KIAA0825: variants seen among roughly 807,000 people sequenced by gnomAD.
The protein encoded by KIAA0825 is uncharacterized protein KIAA0825.
In KIAA0825, 119 loss-of-function variants were observed where a neutral mutation model predicts 147.6. The ratio of observed to expected loss-of-function variants is 0.81; its 90% CI spans 0.69 to 0.94. KIAA0825 has a LOEUF of 0.94. KIAA0825 is among the 40% of genes least tolerant of loss of function. The pLI, the probability that KIAA0825 is intolerant of heterozygous loss-of-function variation, is 0.00. For synonymous variants in KIAA0825, 470 were observed against 518.1 expected (o/e 0.91, Z 1.26); for missense variants, 1,381 against 1,472.7 (o/e 0.94, Z 1.02).
At chr5:94,509,029 C>T (rs1766124675) in intron 5 of KIAA0825, among the ~76,000 whole-genome samples, 1 of 152,212 alleles carries the variant, frequency 6.6e-6, no homozygotes, top group African/African-American at 2.4e-5. Flanking sequence ...TGTGACATAG[C>T]TCTGTCTTAT....
chr5:94,264,447 G>A (rs1776649849), intron 20 of KIAA0825, among the ~76,000 whole-genome samples: 1 of 152,188 alleles, frequency 6.6e-6, no homozygotes, highest in Non-Finnish European at 1.5e-5. Flanking sequence ...CTGCATCGAA[G>A]TTAACTTTGT....
At chr5:94,611,515 G>A (rs922245398) in intron 1 of KIAA0825, among the ~76,000 whole-genome samples, 1 of 151,826 alleles carries the variant, frequency 6.6e-6, no homozygotes, top group African/African-American at 2.4e-5. Flanking sequence ...TGACAAAAAG[G>A]TGGTGGGGGC....
At chr5:94,180,618 T>C (rs1184460237) in intron 20 of KIAA0825, among the ~76,000 whole-genome samples, 3 of 152,136 alleles carry the variant, frequency 2.0e-5, no homozygotes, top group Non-Finnish European at 4.4e-5. Flanking sequence ...AAAAATGCTA[T>C]AGATATGAAA....
intron 20 of KIAA0825, among the ~76,000 whole-genome samples, chr5:94,290,291 C>G (rs1050376571): frequency 6.6e-6 from 1 of 152,132 alleles, no homozygotes; most frequent in Admixed American, 6.5e-5. Flanking sequence ...CCTAGCCCCC[C>G]ACCACCCAAC....
At chr5:94,454,492 C>CT (rs1182256715) in intron 12 of KIAA0825, among the ~76,000 whole-genome samples, 1 of 152,058 alleles carries the variant, frequency 6.6e-6, no homozygotes, top group Admixed American at 6.6e-5. Context: ...CTTTAAAAGG[C>CT]TTTTTTTCTC....
intron 18 of KIAA0825, among the ~76,000 whole-genome samples, chr5:94,388,962 T>A (rs1464309673): frequency 6.6e-6 from 1 of 152,244 alleles, no homozygotes; most frequent in Non-Finnish European, 1.5e-5. Flanking sequence ...CAAATCTATA[T>A]GCATGTCTGC....
At chr5:94,522,108 C>A (rs1388772570) in intron 4 of KIAA0825, among the ~76,000 whole-genome samples, 1 of 151,662 alleles carries the variant, frequency 6.6e-6, no homozygotes, top group Non-Finnish European at 1.5e-5. Context: ...AACTCTTTGG[C>A]ATATGTATTT....
chr5:94,193,075 A>C (rs1354158419), intron 20 of KIAA0825, among the ~76,000 whole-genome samples: 1 of 152,180 alleles, frequency 6.6e-6, no homozygotes, highest in Non-Finnish European at 1.5e-5. Context: ...AGAGGTTCAC[A>C]TACAGTTATC....
In KIAA0825 at chr5:94,526,295, A is replaced by G. The variant is rs138218923; in HGVS notation, c.132-2197T>C. ...TTATAAACATAGGTAGTAAAAGTGT[A>G]AGGAAATGCACTGGAATGATCAGCA... On this transcript the variant is annotated intron_variant, in intron 3 of 20. Coordinates refer to ENST00000682413, the MANE Select transcript of KIAA0825 (RefSeq NM_001145678.3). 1.7e-4 allele frequency among the ~76,000 whole-genome samples: 26 copies of G among 152,108 alleles called. No homozygotes were observed. The East Asian group carries it at 4.2e-3, about 25-fold the overall frequency.
At chr5:94,339,643 C>T (rs901901937) in intron 20 of KIAA0825, among the ~76,000 whole-genome samples, 10 of 152,184 alleles carry the variant, frequency 6.6e-5, no homozygotes, top group Non-Finnish European at 1.2e-4. Flanking sequence ...TGAGAAAGCA[C>T]AGTTTCCAAT....
intron 1 of KIAA0825, among the ~76,000 whole-genome samples, chr5:94,613,051 T>G (rs1192141418): frequency 6.6e-6 from 1 of 152,152 alleles, no homozygotes; most frequent in Non-Finnish European, 1.5e-5. Flanking sequence ...CAACCCCAGG[T>G]CCTCTCTGAA....
chr5:94,544,900 C>CAGGT (rs1290086643), intron 2 of KIAA0825, among the ~76,000 whole-genome samples: 2 of 152,110 alleles, frequency 1.3e-5, no homozygotes, highest in Non-Finnish European at 2.9e-5. Context: ...AGCCAAAAAT[C>CAGGT]AGGTAAAGTT....
chr5:94,236,914 A>C (rs1447081311), intron 20 of KIAA0825, among the ~76,000 whole-genome samples: 2 of 152,204 alleles, frequency 1.3e-5, no homozygotes, highest in African/African-American at 2.4e-5. Flanking sequence ...AGACTACAGT[A>C]TAGTGTAAAC....
At chr5:94,439,811 A>G (rs1382169472) in intron 14 of KIAA0825, among the ~76,000 whole-genome samples, 171 bp downstream of exon 14, 1 of 152,202 alleles carries the variant, frequency 6.6e-6, no homozygotes, top group Non-Finnish European at 1.5e-5. Flanking sequence ...AATTTTTTCA[A>G]ATAGGTTGGT....
chr5:94,260,027 T>C (rs1178428301), intron 20 of KIAA0825, among the ~76,000 whole-genome samples: 1 of 152,078 alleles, frequency 6.6e-6, no homozygotes, highest in Non-Finnish European at 1.5e-5. Context: ...TCCATAGATA[T>C]AAAACTCAAA....
intron 18 of KIAA0825, among the ~76,000 whole-genome samples, chr5:94,387,673 C>A (rs372612537): frequency 6.7e-6 from 1 of 150,298 alleles, no homozygotes; most frequent in South Asian, 2.1e-4. Context: ...CCAGCCTGGG[C>A]GACAGAGAGA....
intron 14 of KIAA0825, among the ~76,000 whole-genome samples, chr5:94,435,383 G>T (rs1367611725): frequency 6.7e-6 from 1 of 148,948 alleles, no homozygotes; most frequent in African/African-American, 2.5e-5. Context: ...AGAACATGTG[G>T]TATTTGGCTT....
At chr5:94,360,625 T>A (rs776273347) in intron 20 of KIAA0825, among the ~76,000 whole-genome samples, 1 of 152,212 alleles carries the variant, frequency 6.6e-6, no homozygotes, top group Non-Finnish European at 1.5e-5. Context: ...CTCCTACCAG[T>A]GCTGTGACAG....
intron 20 of KIAA0825, among the ~76,000 whole-genome samples, chr5:94,276,223 G>T (rs1308865571): frequency 6.6e-6 from 1 of 152,126 alleles, no homozygotes; most frequent in African/African-American, 2.4e-5. Flanking sequence ...AATGTGAGTG[G>T]TTACGGGCAT....
Sources: allele counts gnomAD v4.1 joint callset (sites outside exome capture counted in the v4.1 genomes callset), GRCh38; gene constraint gnomAD v4.1.1; transcripts MANE v1.5; gene names NCBI Gene and HGNC (gene_info 2026-07-23, HGNC 2026-07-21).